PKNOX1: variants seen among roughly 807,000 people sequenced by gnomAD.
PKNOX1 encodes PBX/knotted 1 homeobox 1.
PKNOX1 carries 15 observed loss-of-function variants against 51.9 expected under a neutral mutation model. The ratio of observed to expected loss-of-function variants is 0.29; its 90% confidence interval spans 0.19 to 0.45. The LOEUF (loss-of-function observed/expected upper bound fraction) is 0.45. Among genes scored for constraint, PKNOX1 ranks in the 20% least tolerant of loss-of-function variants. The pLI is 1.00. For missense variants in PKNOX1, 462 were observed against 547.5 expected (o/e 0.84, Z 1.56); for synonymous variants, 219 against 211.1 (o/e 1.04, Z -0.32).
In PKNOX1 at chr21:43,030,601, T is replaced by G. The variant is rs1980222308; in HGVS notation, c.*500T>G. The G allele has an allele frequency of 6.5e-6, 1 of 152,746 alleles. No homozygotes were observed. Among genetic ancestry groups the G allele is most frequent in the South Asian group, 2.1e-4 (1 of 4,836 alleles). The allele number at this position is 152,746 out of a possible 1,614,324, so 9.5% of individuals were successfully genotyped here. ...CGTCGTGAGTGGATGGACGGCAAGCTTAGCAAGCCTAAGTCCCCTCATGTT... is the reference window on the plus strand; with the variant it reads ...CGTCGTGAGTGGATGGACGGCAAGCGTAGCAAGCCTAAGTCCCCTCATGTT... On this transcript the variant is annotated 3_prime_UTR_variant, in exon 11 of 11. Coordinates refer to ENST00000291547, the MANE Select transcript of PKNOX1 (RefSeq NM_004571.5).
At position 43,013,188 on chromosome 21, in the gene PKNOX1, A is replaced by T. The variant is rs1200132617; in HGVS notation, c.472A>T (p.Thr158Ser). The stretch of plus-strand genomic sequence containing the variant: ...TCTGAAAACAAAAATGAACAGTGAA[A>T]CTCTGTTGAGTGGAGAGCCTGGAAG... ...ACLKTKMNSETLLSGEPGSPY... is the reference protein window; with the variant it reads ...ACLKTKMNSESLLSGEPGSPY... The change falls in exon 5 of 11, where the codon ACT (threonine) becomes TCT (serine). Residue 158 changes from threonine (T) to serine (S), a missense_variant. Physicochemically the swap from Thr to Ser is moderately conservative, Grantham distance 58 (BLOSUM62 1). Transcript: ENST00000291547. The T allele has an allele frequency of 2.5e-6, 4 of 1,613,522 alleles. No individual in the cohort carries two copies. Among genetic ancestry groups the T allele is most frequent in the Non-Finnish European group, 3.4e-6 (4 of 1,179,670 alleles).
At chr21:42,992,130 G>C (rs994055376) in intron 1 of PKNOX1, among the ~76,000 whole-genome samples, 1 of 152,218 alleles carries the variant, frequency 6.6e-6, no homozygotes, top group African/African-American at 2.4e-5. Context: ...TGCTTCATCA[G>C]CTCACCCTGT....
intron 1 of PKNOX1, among the ~76,000 whole-genome samples, chr21:42,975,054 G>GGGGCGA (rs1160553650): frequency 6.9e-6 from 1 of 144,482 alleles, no homozygotes; most frequent in Non-Finnish European, 1.5e-5. Flanking sequence ...GCGCGGGGCG[G>GGGGCGA]GGGCGCGCGG....
intron 6 of PKNOX1, 85 bp from the exon 7 acceptor site, chr21:43,018,047 CA>C (rs60175567): frequency 0.032 from 8,797 of 277,080 alleles, no homozygotes; most frequent in East Asian, 0.063. Context: ...CCTGTCTCTA[CA>C]AAAAAAAAAA....
At chr21:43,007,091 G>T (rs113477034) in intron 2 of PKNOX1, among the ~76,000 whole-genome samples, 9 of 152,310 alleles carry the variant, frequency 5.9e-5, no homozygotes, top group East Asian at 3.9e-4. Context: ...AATATGTAGC[G>T]TATGGGTTAG....
At position 43,030,116 on chromosome 21, in the gene PKNOX1, G is replaced by A. The variant is rs781207251; in HGVS notation, c.*15G>A. 19 of 1,553,656 alleles carry A rather than the reference G, an allele frequency of 1.2e-5. No individual in the cohort carries two copies. Among genetic ancestry groups the A allele is most frequent in the East Asian group, 2.3e-5 (1 of 43,680 alleles). ...CCCTGCAGTAGGGGCAGGAGCAGAC[G>A]CACCTGACTTTTTGGAGTTTGCACA... On this transcript the variant is annotated 3_prime_UTR_variant, in exon 11 of 11. Coordinates refer to ENST00000291547, the MANE Select transcript of PKNOX1 (RefSeq NM_004571.5).
intron 4 of PKNOX1, among the ~76,000 whole-genome samples, chr21:43,012,783 AG>A (rs966919147): frequency 6.6e-6 from 1 of 152,194 alleles, no homozygotes; most frequent in Non-Finnish European, 1.5e-5. Context: ...AATCAGTGGA[AG>A]GGCTAGGCTT....
intron 4 of PKNOX1, among the ~76,000 whole-genome samples, chr21:43,011,724 C>A (rs935868717): frequency 6.6e-6 from 1 of 152,182 alleles, no homozygotes; most frequent in Non-Finnish European, 1.5e-5. Context: ...TTGGAAAACT[C>A]ATTTTTCCTG....
At position 42,987,510 on chromosome 21, in the gene PKNOX1, G is replaced by C. The variant is rs369824734; in HGVS notation, c.-57+12846G>C. On this transcript the variant is annotated intron_variant, in intron 1 of 10. Coordinates refer to ENST00000291547, the MANE Select transcript of PKNOX1 (RefSeq NM_004571.5). Reference sequence around the variant, plus strand: ...TAAGATTTTTTAAAAAGTATCACTTGTCTTTGAACAGCTATAATTTTGGTC... The same window carrying C: ...TAAGATTTTTTAAAAAGTATCACTTCTCTTTGAACAGCTATAATTTTGGTC... 4.7e-5 allele frequency among the ~76,000 whole-genome samples: 7 copies of C among 148,564 alleles called. No homozygotes were observed. The South Asian group carries it at 6.3e-4, about 13-fold the overall frequency.
intron 1 of PKNOX1, among the ~76,000 whole-genome samples, chr21:42,998,257 GTGGGACTTA>G (rs1280651816): frequency 1.3e-5 from 2 of 152,160 alleles, no homozygotes; most frequent in Non-Finnish European, 2.9e-5. Context: ...ATCAGATCTT[GTGGGACTTA>G]TTCGCTATCA....
At chr21:42,994,567 C>A (rs1978406573) in intron 1 of PKNOX1, among the ~76,000 whole-genome samples, 1 of 151,588 alleles carries the variant, frequency 6.6e-6, no homozygotes, top group African/African-American at 2.4e-5. Flanking sequence ...TTTTGAAAGA[C>A]AATCTGAGAG....
At chr21:42,995,684 T>G (rs1450235760) in intron 1 of PKNOX1, among the ~76,000 whole-genome samples, 1 of 152,066 alleles carries the variant, frequency 6.6e-6, no homozygotes, top group East Asian at 1.9e-4. Flanking sequence ...CTCAAAAAAA[T>G]AAAAAATGAA....
intron 1 of PKNOX1, among the ~76,000 whole-genome samples, chr21:42,991,173 T>C (rs1288785876): frequency 6.6e-6 from 1 of 151,784 alleles, no homozygotes; most frequent in East Asian, 1.9e-4. Flanking sequence ...AAGTCAAAAG[T>C]TGGGGGGAAG....
Position 43,032,120 on chromosome 21 carries a change from A to G in PKNOX1, c.*2019A>G. ...GGTGATCTGCCTGCCTCAGCCTCCC[A>G]AAGTGCTGGGATTACAGGTGTGAGC... On this transcript the variant is annotated 3_prime_UTR_variant, in exon 11 of 11. Transcript: ENST00000291547. 4.4e-6 allele frequency: 2 copies of G among 454,508 alleles called. No homozygotes were observed. The highest frequency in any genetic ancestry group is 3.1e-5 in the South Asian group (2 of 64,460). 28.2% of individuals were successfully genotyped at this position (454,508 alleles called of 1,614,324 possible). A position where few individuals can be genotyped will look rare whatever the true frequency, so the allele number is the denominator to read the frequency against.
chr21:43,032,931 A>G lies in PKNOX1; in HGVS notation c.*2830A>G, dbSNP rs1206469526. ...GTTTGAGGTCAGTTGGCACCTTAAA[A>G]CACCTGTTCTCCAGCCCTTGGACAG... On this transcript the variant is annotated 3_prime_UTR_variant, in exon 11 of 11. Transcript: ENST00000291547. 6.6e-6 allele frequency: 1 copy of G among 152,192 alleles called. No individual in the cohort carries two copies. The highest frequency in any genetic ancestry group is 1.9e-4 in the East Asian group (1 of 5,200). 9.4% of individuals were successfully genotyped at this position (152,192 alleles called of 1,614,324 possible).
chr21:43,013,547 A>G (rs1158005768), intron 5 of PKNOX1, among the ~76,000 whole-genome samples: 1 of 152,230 alleles, frequency 6.6e-6, no homozygotes, highest in Non-Finnish European at 1.5e-5. Context: ...AAATACACAT[A>G]ATATAAAATT....
intron 1 of PKNOX1, among the ~76,000 whole-genome samples, chr21:42,992,522 G>A (rs2059092625): frequency 6.6e-6 from 1 of 152,216 alleles, no homozygotes; most frequent in Non-Finnish European, 1.5e-5. Context: ...GGAAGTGGCC[G>A]TCTCTCCTCC....
At chr21:43,023,319 A>G (rs541972071) in intron 8 of PKNOX1, among the ~76,000 whole-genome samples, 2 of 152,124 alleles carry the variant, frequency 1.3e-5, no homozygotes, top group Admixed American at 6.5e-5. Context: ...AAACAAACCC[A>G]TCACTGCTGA....
At chr21:42,989,224 C>T (rs1352334463) in intron 1 of PKNOX1, among the ~76,000 whole-genome samples, 5 of 152,038 alleles carry the variant, frequency 3.3e-5, no homozygotes, top group Admixed American at 6.6e-5. Flanking sequence ...AGCAATATTC[C>T]CGCCTCGGGC....
Sources: gnomAD v4.1 joint callset for allele counts (sites outside exome capture counted in the v4.1 genomes callset) on GRCh38, gnomAD v4.1.1 for gene constraint, MANE v1.5 for transcripts, NCBI Gene and HGNC (gene_info 2026-07-23, HGNC 2026-07-21) for gene names.